AXDND1: variants seen among roughly 807,000 people sequenced by gnomAD.
AXDND1 encodes axonemal dynein light chain domain-containing protein 1.
In AXDND1, 110 loss-of-function variants were observed where a neutral mutation model predicts 137.5. That is an observed-to-expected ratio of 0.80 (90% CI 0.69 to 0.94). The LOEUF (loss-of-function observed/expected upper bound fraction) is 0.94, where lower values mean the gene tolerates loss of function less well. Ranked by LOEUF, AXDND1 falls within the 40% of genes least tolerant of loss-of-function variation. The pLI, the probability that AXDND1 is intolerant of heterozygous loss-of-function variation, is 0.00. For synonymous variants in AXDND1, 414 were observed against 399.7 expected, an observed-to-expected ratio of 1.04 and a Z score of -0.43; for missense variants, 1,191 against 1,169.8, an observed-to-expected ratio of 1.02 and a Z score of -0.26.
At chr1:179,379,584 A>C in intron 6 of AXDND1, 102 bp downstream of exon 6, 1 of 1,439,454 alleles carries the variant, frequency 6.9e-7, no homozygotes. Flanking sequence ...ATCTGAGGTC[A>C]GGAGTTCAAG....
chr1:179,525,389 A>C lies in AXDND1; in HGVS notation c.2552A>C (p.Glu851Ala). 6.2e-7 allele frequency: 1 copy of C among 1,612,576 alleles called. No individual in the cohort carries two copies. The highest frequency in any genetic ancestry group is 8.5e-7 in the Non-Finnish European group (1 of 1,179,024). Residue 851 changes from glutamate to alanine, a missense_variant, in exon 22 of 26, where the codon GAA becomes GCA. Transcript: ENST00000367618. ...PEIDESFKED[E>A]EESKEDRKLQ... ...ATAGACGAGTCTTTTAAAGAAGATG[A>C]AGAAGAAAGTAAGGAGGATAGGAAA... is the stretch of plus-strand genomic sequence containing the variant.
At chr1:179,494,138 G>A (rs1301525102) in intron 20 of AXDND1, among the ~76,000 whole-genome samples, 2 of 152,100 alleles carry the variant, frequency 1.3e-5, no homozygotes, top group African/African-American at 4.8e-5. Context: ...TTTTAGTGGA[G>A]ATGGGGTTTC....
chr1:179,391,006 A>G (rs933310301), intron 9 of AXDND1, among the ~76,000 whole-genome samples: 1 of 151,518 alleles, frequency 6.6e-6, no homozygotes, highest in Non-Finnish European at 1.5e-5. Flanking sequence ...GGGTTTATCC[A>G]TGTTGGTCAG....
chr1:179,423,144 T>TA (rs1656023992), intron 12 of AXDND1, among the ~76,000 whole-genome samples: 2 of 152,208 alleles, frequency 1.3e-5, no homozygotes, highest in African/African-American at 2.4e-5. Flanking sequence ...TACACCTTCT[T>TA]TATAATTGTT....
intron 9 of AXDND1, among the ~76,000 whole-genome samples, chr1:179,390,342 A>G (rs989893331): frequency 1.3e-5 from 2 of 152,156 alleles, no homozygotes; most frequent in Admixed American, 1.3e-4. Context: ...AATGAATACT[A>G]TTCTGTTATG....
intron 9 of AXDND1, among the ~76,000 whole-genome samples, chr1:179,389,055 A>G (rs557216188): frequency 1.4e-3 from 186 of 129,162 alleles, no homozygotes; most frequent in Middle Eastern, 0.014. Flanking sequence ...GCTCACTGCA[A>G]CCTCCACCTC....
At chr1:179,411,525 A>G (rs1042386993) in intron 12 of AXDND1, among the ~76,000 whole-genome samples, 2 of 151,744 alleles carry the variant, frequency 1.3e-5, no homozygotes, top group Admixed American at 1.3e-4. Context: ...TGCAGTTTTC[A>G]ATAATCTAGA....
rs749269752 is a variant in AXDND1 at position 179,368,903 on chromosome 1, G to A, written c.201G>A (p.Leu67=). 3 of 1,613,774 alleles carry A rather than the reference G, an allele frequency of 1.9e-6. No individual in the cohort carries two copies. The highest frequency in any genetic ancestry group is 2.5e-6 in the Non-Finnish European group (3 of 1,179,884). The part of the protein sequence containing the change: ...EFIPKEVLLS[L]TYAANAGPCP... ...TTCCCAAAGAAGTTCTTCTTTCTCT[G>A]ACCTATGCGGCCAATGCTGGTCCTT... The change falls in exon 3 of 26, where the codon CTG becomes CTA. Residue 67 remains leucine, a synonymous_variant. Coordinates refer to ENST00000367618, the MANE Select transcript of AXDND1 (RefSeq NM_144696.6).
At chr1:179,401,283 G>A (rs1049398327) in intron 11 of AXDND1, among the ~76,000 whole-genome samples, 17 of 134,656 alleles carry the variant, frequency 1.3e-4, no homozygotes, top group Non-Finnish European at 2.4e-4. Context: ...AAAAAAGAAC[G>A]TCTGCCTATT....
intron 20 of AXDND1, among the ~76,000 whole-genome samples, chr1:179,504,867 G>GTA (rs1668377425): frequency 6.6e-6 from 1 of 152,194 alleles, no homozygotes; most frequent in South Asian, 2.1e-4. Flanking sequence ...AGGTAAGGCT[G>GTA]TAACTGAGCC....
At chr1:179,370,270 A>T (rs746129960) in intron 4 of AXDND1, among the ~76,000 whole-genome samples, 192 bp downstream of exon 4, 2 of 152,242 alleles carry the variant, frequency 1.3e-5, no homozygotes, top group African/African-American at 4.8e-5. Flanking sequence ...TATCAGTAGG[A>T]TGGAAATAGG....
chr1:179,435,426 A>G (rs764342120), intron 15 of AXDND1, among the ~76,000 whole-genome samples: 1 of 152,184 alleles, frequency 6.6e-6, no homozygotes, highest in African/African-American at 2.4e-5. Context: ...GCATCATGCT[A>G]CCTGATTCAA....
rs185658017 is a variant in AXDND1 at position 179,383,540 on chromosome 1, C to T, written c.737C>T (p.Thr246Met). The change falls in exon 8 of 26, where the codon ACG becomes ATG. Residue 246 changes from threonine (T) to methionine (M), a missense_variant. Physicochemically the swap from Thr to Met is moderately conservative, Grantham distance 81. Transcript: ENST00000367618. ...GAAAATCAGGAATATACAGGACCAACGAAGGTAATTGCAAAGCCGAATGCA... is the reference window on the plus strand; with the variant it reads ...GAAAATCAGGAATATACAGGACCAATGAAGGTAATTGCAAAGCCGAATGCA... ...GVENQEYTGP[T>M]KMHKLLHILK... 5.6e-5 allele frequency: 91 copies of T among 1,611,352 alleles called. No homozygotes were observed. The highest frequency in any genetic ancestry group is 1.7e-4 in the Middle Eastern group (1 of 6,050).
chr1:179,376,250 T>C (rs1256958645), intron 4 of AXDND1, among the ~76,000 whole-genome samples: 1 of 152,158 alleles, frequency 6.6e-6, no homozygotes, highest in Non-Finnish European at 1.5e-5. Flanking sequence ...TACTGAGGGA[T>C]ATGTGGGGGA....
intron 16 of AXDND1, among the ~76,000 whole-genome samples, chr1:179,459,247 C>T (rs1260571209): frequency 6.6e-6 from 1 of 152,160 alleles, no homozygotes; most frequent in Non-Finnish European, 1.5e-5. Flanking sequence ...CTGCCTCAGC[C>T]TCCTGAGTAG....
chr1:179,502,562 T>TAAAAA (rs35740934), intron 20 of AXDND1, among the ~76,000 whole-genome samples: 5 of 81,074 alleles, frequency 6.2e-5, no homozygotes, highest in Admixed American at 1.7e-4. Flanking sequence ...AAACTCTGTC[T>TAAAAA]AAAAAAAAAA....
chr1:179,442,835 G>A (rs1659188373), intron 15 of AXDND1, among the ~76,000 whole-genome samples: 2 of 152,058 alleles, frequency 1.3e-5, no homozygotes, highest in South Asian at 2.1e-4. Flanking sequence ...ACGAAACTAG[G>A]GGGACTGAAC....
intron 23 of AXDND1, 30 bp from the exon 24 acceptor site, chr1:179,533,765 T>A: frequency 1.3e-6 from 2 of 1,507,800 alleles, no homozygotes; most frequent in Non-Finnish European, 1.8e-6. Flanking sequence ...AGACTGTCAG[T>A]TCATTCATAT....
intron 16 of AXDND1, among the ~76,000 whole-genome samples, chr1:179,464,838 T>G (rs1019802581): frequency 6.6e-6 from 1 of 152,202 alleles, no homozygotes; most frequent in Non-Finnish European, 1.5e-5. Context: ...TCTCTAAACT[T>G]CTCTTTTTGC....
Sources: gnomAD v4.1 joint callset for allele counts (sites outside exome capture counted in the v4.1 genomes callset) on GRCh38, gnomAD v4.1.1 for gene constraint, MANE v1.5 for transcripts, NCBI Gene and HGNC (gene_info 2026-07-23, HGNC 2026-07-21) for gene names.